The following FCSK variants were observed in gnomAD, a reference collection of about 807,000 sequenced individuals.
FCSK encodes the protein L-fucose kinase.
Under a neutral mutation model 122.5 loss-of-function variants are expected in FCSK, and 123 were observed. That is an observed-to-expected ratio of 1.00 (90% confidence interval 0.87 to 1.17). FCSK has a LOEUF of 1.17. FCSK is among the 50% of genes most tolerant of loss of function. The pLI is 0.00. For synonymous variants in FCSK, 620 were observed against 625.5 expected (o/e 0.99, Z 0.13); for missense variants, 1,366 against 1,450.4 (o/e 0.94, Z 0.95).
intron 13 of FCSK, 23 bp from the exon 14 acceptor site, chr16:70,472,518 G>A: frequency 6.2e-7 from 1 of 1,605,444 alleles, no homozygotes; most frequent in Non-Finnish European, 8.5e-7. Context: ...CTGCAGCCCT[G>A]ACTGCTTCTT....
At position 70,468,983 on chromosome 16, in the gene FCSK, G is replaced by A. The variant is rs555070243; in HGVS notation, c.783+15G>A. 3.3e-5 allele frequency: 53 copies of A among 1,612,218 alleles called. No homozygotes were observed. The Middle Eastern group carries it at 6.6e-4, about 20-fold the overall frequency. ...GGCCTGTCCAGGTGACTGGGGGAGGGCAGCTAGGTGGGGCCTGGCTTGGGG... is the reference window on the plus strand; with the variant it reads ...GGCCTGTCCAGGTGACTGGGGGAGGACAGCTAGGTGGGGCCTGGCTTGGGG... On this transcript the variant is annotated intron_variant, in intron 9 of 23. Coordinates refer to ENST00000288078, the MANE Select transcript of FCSK (RefSeq NM_145059.3).
Position 70,465,143 on chromosome 16 carries a change from C to T in FCSK, c.252C>T (p.Val84=), listed in dbSNP as rs371810233. The change falls in exon 4 of 24, where the codon GTC becomes GTT. Residue 84 remains valine, a synonymous_variant. Transcript: ENST00000288078. ...TCCTGCAGGTGGTCACATCCGATGT[C>T]CTGCACTCGGCCTGGATCCTCATTC... ...RAGFTVVTSD[V]LHSAWILILH... 91 of 1,613,694 alleles carry T rather than the reference C, an allele frequency of 5.6e-5. No homozygotes were observed. In the Middle Eastern group the frequency reaches 8.2e-4, roughly 15 times the overall value.
intron 7 of FCSK, 32 bp from the exon 8 acceptor site, chr16:70,467,854 C>G (rs2048471228): frequency 6.3e-7 from 1 of 1,587,394 alleles, no homozygotes; most frequent in Admixed American, 1.7e-5. Context: ...CTTCCTGCTC[C>G]CTCCGCTGAT....
At chr16:70,462,631 G>A (rs1292563988) in intron 1 of FCSK, among the ~76,000 whole-genome samples, 1 of 150,552 alleles carries the variant, frequency 6.6e-6, no homozygotes, top group Non-Finnish European at 1.5e-5. Context: ...TGGCCTGTTC[G>A]ACATTTTTTC....
chr16:70,478,063 G>A, intron 20 of FCSK: 1 of 582,170 alleles, frequency 1.7e-6, no homozygotes, highest in Non-Finnish European at 3.0e-6. Flanking sequence ...CTCAGGCCTT[G>A]GGAATTCCAA....
rs1302803086 is a variant in FCSK at position 70,475,504 on chromosome 16, C to T, written c.2521+11C>T. On this transcript the variant is annotated intron_variant, in intron 19 of 23. Transcript: ENST00000288078. ...ACGGCTCTGGCCTGGGTGAGCGGGC[C>T]CTGCCTCCTGCTACCCACCGACTGT... 1 of 1,600,402 alleles carries T rather than the reference C, an allele frequency of 6.2e-7. No homozygotes were observed. The highest frequency in any genetic ancestry group is 8.5e-7 in the Non-Finnish European group (1 of 1,176,914).
intron 13 of FCSK, 69 bp from the exon 14 acceptor site, chr16:70,472,472 C>T (rs1007004761): frequency 8.5e-6 from 11 of 1,291,518 alleles, no homozygotes; most frequent in African/African-American, 3.0e-5. Flanking sequence ...GCTCCTGGCC[C>T]CCTGGCCGAG....
At chr16:70,461,919 C>T (rs774016210) in intron 1 of FCSK, among the ~76,000 whole-genome samples, 28 of 152,292 alleles carry the variant, frequency 1.8e-4, no homozygotes, top group Non-Finnish European at 3.4e-4. Context: ...AACCTATCTC[C>T]GGAGGTTCAT....
Position 70,474,822 on chromosome 16 carries a change from G to T in FCSK, c.2188G>T (p.Glu730Ter). Residue 730 changes from glutamate to a stop codon, truncating the protein, a stop_gained, in exon 18 of 24, where the codon GAG (glutamate) becomes TAG (stop). Coordinates refer to ENST00000288078, the MANE Select transcript of FCSK (RefSeq NM_145059.3). LOFTEE classifies it high-confidence loss of function. Reference sequence around the variant, plus strand: ...GAGTGACACGCCACCCCTTGCCTATGAGCTTGGCGGGGCTGTGCTGGGCCT... The same window carrying T: ...GAGTGACACGCCACCCCTTGCCTATTAGCTTGGCGGGGCTGTGCTGGGCCT... ...GWSDTPPLAY[E>*]LGGAVLGLAV... 6.3e-7 allele frequency: 1 copy of T among 1,590,148 alleles called. No homozygotes were observed. The highest frequency in any genetic ancestry group is 1.1e-5 in the South Asian group (1 of 87,978).
chr16:70,477,032 A>C (rs1224609783), intron 20 of FCSK, among the ~76,000 whole-genome samples: 2 of 152,196 alleles, frequency 1.3e-5, no homozygotes, highest in Non-Finnish European at 2.9e-5. Flanking sequence ...AAGTCTTGAC[A>C]TTTCAAGACT....
intron 1 of FCSK, chr16:70,458,106 G>A (rs1431184748): frequency 1.3e-5 from 2 of 150,146 alleles, no homozygotes; most frequent in Non-Finnish European, 3.0e-5. Flanking sequence ...CACCTTAACT[G>A]TGGTCCAGAG....
chr16:70,466,318 T>C, intron 5 of FCSK, 61 bp downstream of exon 5: 1 of 1,596,214 alleles, frequency 6.3e-7, no homozygotes, highest in Non-Finnish European at 8.6e-7. Flanking sequence ...CCTCCCACTG[T>C]TCCCCCAGGT....
In FCSK at chr16:70,473,766, A is replaced by G. The variant is rs1215285939; in HGVS notation, c.1778-363A>G. ...GCCTTAGCCTCCTAGGCTGAACCTC[A>G]TGGAAGGTCCCAGGGACCGTGGACA... On this transcript the variant is annotated intron_variant, in intron 15 of 23. Coordinates refer to ENST00000288078, the MANE Select transcript of FCSK (RefSeq NM_145059.3). The surrounding 1 kb of genome is among the most constrained non-coding windows in gnomAD (Gnocchi z 4.9). Among the ~76,000 whole-genome samples, 1 of 152,162 alleles carries G rather than the reference A, an allele frequency of 6.6e-6. No homozygotes were observed. The highest frequency in any genetic ancestry group is 1.5e-5 in the Non-Finnish European group (1 of 68,018).
rs1213502486 is a variant in FCSK, at chr16:70,479,732, C to G, written c.*52C>G. ...AAACCTGGAGCTACAGTGTCCCCCA[C>G]CTTCCTTGCCCCATGGGAACCTCCA... On this transcript the variant is annotated 3_prime_UTR_variant, in exon 24 of 24. Coordinates refer to ENST00000288078, the MANE Select transcript of FCSK (RefSeq NM_145059.3). The G allele has an allele frequency of 2.1e-6, 3 of 1,433,506 alleles. No individual in the cohort carries two copies. The highest frequency in any genetic ancestry group is 1.9e-6 in the Non-Finnish European group (2 of 1,031,270). The allele number at this position is 1,433,506 out of a possible 1,614,324, so 88.8% of individuals were successfully genotyped here. A position where few individuals can be genotyped will look rare whatever the true frequency, so the allele number is the denominator to read the frequency against.
chr16:70,468,298 T>C (rs1272704100), intron 8 of FCSK, among the ~76,000 whole-genome samples: 1 of 152,154 alleles, frequency 6.6e-6, no homozygotes, highest in Non-Finnish European at 1.5e-5. Flanking sequence ...TGTGTGCCTG[T>C]AATCCCAACT....
intron 1 of FCSK, among the ~76,000 whole-genome samples, chr16:70,458,159 C>T (rs1266250872): frequency 1.2e-4 from 18 of 148,274 alleles, no homozygotes; most frequent in Non-Finnish European, 2.5e-4. Context: ...TTCTTTCTTT[C>T]TTTCTTTTTT....
chr16:70,466,824 G>T (rs754207451), intron 5 of FCSK, 58 bp from the exon 6 acceptor site: 4 of 1,486,120 alleles, frequency 2.7e-6, no homozygotes, highest in Non-Finnish European at 2.8e-6. Context: ...GGGCAAGGAG[G>T]GGGCAGGTGA....
At chr16:70,467,060 A>G (rs2048441643) in intron 6 of FCSK, 106 bp downstream of exon 6, 2 of 1,032,918 alleles carry the variant, frequency 1.9e-6, no homozygotes, top group South Asian at 2.6e-5. Flanking sequence ...CCGCTGCCCT[A>G]TTAGACGGGA....
intron 7 of FCSK, 81 bp from the exon 8 acceptor site, chr16:70,467,805 C>T: frequency 8.3e-7 from 1 of 1,204,192 alleles, no homozygotes; most frequent in Admixed American, 1.7e-5. Context: ...TGGAGAATGC[C>T]CTTGCTGCCA....
Sources: allele counts gnomAD v4.1 joint callset (sites outside exome capture counted in the v4.1 genomes callset), GRCh38; gene constraint gnomAD v4.1.1; non-coding constraint Gnocchi (gnomAD v3.1); transcripts MANE v1.5; gene names NCBI Gene and HGNC (gene_info 2026-07-23, HGNC 2026-07-21).